The following SPAG16 variants were observed in gnomAD, a reference collection of about 807,000 sequenced individuals.
The protein encoded by SPAG16 is sperm-associated antigen 16 protein.
SPAG16 carries 86 observed loss-of-function variants against 80.4 expected under a neutral mutation model. That is an observed-to-expected ratio of 1.07 (90% confidence interval 0.90 to 1.28). The LOEUF (loss-of-function observed/expected upper bound fraction) is 1.28. Among genes scored for constraint, SPAG16 ranks in the 50% most tolerant of loss-of-function variants. The probability of loss-of-function intolerance (pLI) is 0.00; values close to 1 mark genes in which losing one functional copy is unlikely to be tolerated. For missense variants in SPAG16, 870 were observed against 765.3 expected (o/e 1.14, Z -1.61); for synonymous variants, 294 against 265.9 (o/e 1.11, Z -1.03).
At chr2:213,897,320 C>A (rs2077034881) in intron 11 of SPAG16, among the ~76,000 whole-genome samples, 1 of 152,082 alleles carries the variant, frequency 6.6e-6, no homozygotes, top group Non-Finnish European at 1.5e-5. Context: ...TATCAATACC[C>A]CTTCAACCTT....
intron 15 of SPAG16, among the ~76,000 whole-genome samples, chr2:214,379,973 A>G (rs974693895): frequency 6.6e-6 from 1 of 152,192 alleles, no homozygotes; most frequent in African/African-American, 2.4e-5. Flanking sequence ...CTTAATGGAC[A>G]TAAATAAGCA....
rs748890237 is a variant in SPAG16, at chr2:213,317,382, T to A, written c.536+26T>A. The A allele has an allele frequency of 1.9e-6, 3 of 1,591,678 alleles. No homozygotes were observed. The South Asian group carries it at 3.4e-5, about 18-fold the overall frequency. On this transcript the variant is annotated intron_variant, in intron 5 of 15. Transcript: ENST00000331683. The stretch of plus-strand genomic sequence containing the variant: ...GTATGTTATTTTTTAAATGACATTT[T>A]CTTCTTTTTCTTTTGGACTAAATAA...
Position 213,715,222 on chromosome 2 carries a change from GTCTA to G in SPAG16, c.1071-147220_1071-147217del, listed in dbSNP as rs1553615157. Among the ~76,000 whole-genome samples the G allele has an allele frequency of 4.6e-3, 507 of 110,566 alleles. 4 individuals are homozygous for G. The highest frequency in any genetic ancestry group is 6.6e-3 in the African/African-American group (229 of 34,914). The allele number at this position is 110,566 out of a possible 152,430, so 72.5% of individuals were successfully genotyped here. ...AGATTCAAGTTAGGTAGATCTATCTGTCTATCTATCTATCTATCTATCTATCTAT... is the reference window on the plus strand; with the variant it reads ...AGATTCAAGTTAGGTAGATCTATCTGTCTATCTATCTATCTATCTATCTAT... On this transcript the variant is annotated intron_variant, in intron 10 of 15. Transcript: ENST00000331683.
intron 15 of SPAG16, among the ~76,000 whole-genome samples, chr2:214,357,504 G>C (rs1036116911): frequency 4.6e-5 from 7 of 151,750 alleles, no homozygotes; most frequent in Admixed American, 4.6e-4. Context: ...CCAGTCTTCT[G>C]AGTTTCTCAT....
In SPAG16 at chr2:213,546,920, G is replaced by A. The variant is rs577062964; in HGVS notation, c.1070+56830G>A. 2.0e-5 allele frequency among the ~76,000 whole-genome samples: 3 copies of A among 152,202 alleles called. No homozygotes were observed. The South Asian group carries it at 6.2e-4, about 32-fold the overall frequency. ...TGTGTTCTTAAAATACCCTTTGGAA[G>A]TTTAAATTACTATTGAAAAAGCTGT... is the stretch of plus-strand genomic sequence containing the variant. On this transcript the variant is annotated intron_variant, in intron 10 of 15. Transcript: ENST00000331683.
intron 15 of SPAG16, among the ~76,000 whole-genome samples, chr2:214,201,263 A>G (rs926842947): frequency 6.6e-6 from 1 of 152,172 alleles, no homozygotes; most frequent in Non-Finnish European, 1.5e-5. Context: ...AACACTTTCG[A>G]TTAGTTTCTT....
chr2:213,802,797 C>T (rs1305508109), intron 10 of SPAG16, among the ~76,000 whole-genome samples: 1 of 151,942 alleles, frequency 6.6e-6, no homozygotes, highest in Non-Finnish European at 1.5e-5. Context: ...ACTTCTGTCT[C>T]TCTCTTTTTT....
intron 13 of SPAG16, among the ~76,000 whole-genome samples, chr2:214,068,954 A>G (rs2050655005): frequency 6.6e-6 from 1 of 152,166 alleles, no homozygotes; most frequent in South Asian, 2.1e-4. Flanking sequence ...ATGACCTCAG[A>G]AATTCGTTGC....
chr2:214,074,994 A>G (rs1381206252), intron 13 of SPAG16, among the ~76,000 whole-genome samples: 1 of 152,170 alleles, frequency 6.6e-6, no homozygotes, highest in Non-Finnish European at 1.5e-5. Flanking sequence ...AGAGTCAGTA[A>G]ATAAATGGCA....
chr2:213,717,155 CATTTTT>C (rs2066273154), intron 10 of SPAG16, among the ~76,000 whole-genome samples: 1 of 139,166 alleles, frequency 7.2e-6, no homozygotes, highest in Admixed American at 7.2e-5. Context: ...AGAAACTTTT[CATTTTT>C]TTTTTTTTTT....
intron 14 of SPAG16, among the ~76,000 whole-genome samples, chr2:214,116,289 G>A (rs902685609): frequency 6.6e-6 from 1 of 152,192 alleles, no homozygotes; most frequent in African/African-American, 2.4e-5. Flanking sequence ...CTCAGCTGAG[G>A]TTCCACATGA....
intron 10 of SPAG16, among the ~76,000 whole-genome samples, chr2:213,824,346 G>A (rs191294900): frequency 1.4e-4 from 21 of 152,238 alleles, no homozygotes; most frequent in African/African-American, 4.8e-4. Context: ...CTTCCCCAAT[G>A]TTTTCTTTTA....
At chr2:213,790,383 T>C (rs2070617674) in intron 10 of SPAG16, among the ~76,000 whole-genome samples, 1 of 151,976 alleles carries the variant, frequency 6.6e-6, no homozygotes, top group Non-Finnish European at 1.5e-5. Context: ...AACATTTTCT[T>C]TGTAAAGAAC....
chr2:213,972,565 C>T (rs183932553), intron 12 of SPAG16, among the ~76,000 whole-genome samples: 1 of 152,120 alleles, frequency 6.6e-6, no homozygotes, highest in Non-Finnish European at 1.5e-5. Context: ...TGCCCACCTG[C>T]AATGGTGAGG....
At chr2:214,238,286 G>A in intron 15 of SPAG16, 2 of 274,750 alleles carry the variant, frequency 7.3e-6, no homozygotes, top group Non-Finnish European at 1.5e-5. Context: ...ATCTGCTTGA[G>A]TTAGCACCCT....
intron 12 of SPAG16, among the ~76,000 whole-genome samples, chr2:213,939,777 A>C (rs939413840): frequency 1.3e-5 from 2 of 152,198 alleles, no homozygotes; most frequent in African/African-American, 4.8e-5. Flanking sequence ...AAAAGTATAC[A>C]TTAGCAAGAA....
chr2:213,830,258 T>A (rs2125714636), intron 10 of SPAG16, among the ~76,000 whole-genome samples: 1 of 152,302 alleles, frequency 6.6e-6, no homozygotes, highest in East Asian at 1.9e-4. Flanking sequence ...GAGTTCTTCC[T>A]GGTGTTGGCA....
At chr2:214,291,351 G>C (rs1387500578) in intron 15 of SPAG16, among the ~76,000 whole-genome samples, 1 of 109,696 alleles carries the variant, frequency 9.1e-6, no homozygotes, top group African/African-American at 3.6e-5. Flanking sequence ...TGTCGCCCAG[G>C]CTGGAGTGCA....
chr2:213,857,223 G>T (rs939166781), intron 10 of SPAG16, among the ~76,000 whole-genome samples: 1 of 152,046 alleles, frequency 6.6e-6, no homozygotes, highest in Non-Finnish European at 1.5e-5. Context: ...GAGAGAGACT[G>T]CATCTCAAAA....
Sources: allele counts gnomAD v4.1 joint callset (sites outside exome capture counted in the v4.1 genomes callset), GRCh38; gene constraint gnomAD v4.1.1; transcripts MANE v1.5; gene names NCBI Gene and HGNC (gene_info 2026-07-23, HGNC 2026-07-21).